Variants in TMEM151B observed in about 807,000 individuals in gnomAD.
TMEM151B encodes the protein transmembrane protein 193.
In TMEM151B, 18 loss-of-function variants were observed where a neutral mutation model predicts 33.0. The ratio of observed to expected loss-of-function variants is 0.55; its 90% CI spans 0.38 to 0.81. The LOEUF is 0.81. Ranked by LOEUF, TMEM151B falls within the 30% of genes least tolerant of loss-of-function variation. TMEM151B has a pLI of 0.00. For missense variants in TMEM151B, 672 were observed against 843.4 expected, an observed-to-expected ratio of 0.80 and a Z score of 2.52; for synonymous variants, 354 against 373.6, an observed-to-expected ratio of 0.95 and a Z score of 0.61.
rs1782528596 is a variant in TMEM151B, at chr6:44,275,191, C to G, written c.577-212C>G. 2.0e-5 allele frequency among the ~76,000 whole-genome samples: 3 copies of G among 152,206 alleles called. No homozygotes were observed. In the South Asian group the frequency reaches 6.2e-4, roughly 32 times the overall value. Reference sequence around the variant, plus strand: ...CGCACAGGTAGGGCTGGTTCTAGTCCGGTCATCACGTCTGATTACACAGAG... The same window carrying G: ...CGCACAGGTAGGGCTGGTTCTAGTCGGGTCATCACGTCTGATTACACAGAG... On this transcript the variant is annotated intron_variant, in intron 2 of 2. Coordinates refer to ENST00000451188, the MANE Select transcript of TMEM151B (RefSeq NM_001137560.2).
At position 44,275,964 on chromosome 6, in the gene TMEM151B, A is replaced by G. The variant is rs1020013262; in HGVS notation, c.1138A>G (p.Asn380Asp). 1 of 1,463,524 alleles carries G rather than the reference A, an allele frequency of 6.8e-7. No homozygotes were observed. Among genetic ancestry groups the G allele is most frequent in the African/African-American group, 1.4e-5 (1 of 69,846 alleles). The allele number at this position is 1,463,524 out of a possible 1,614,324, so 90.7% of individuals were successfully genotyped here. ...STELEWHIRS[N>D]QQLVPSYSEA... ...GGAGCTCGAGTGGCACATCCGCTCC[A>G]ACCAGCAGCTGGTGCCCAGCTACTC... The change falls in exon 3 of 3, where the codon AAC (asparagine) becomes GAC (aspartate). Residue 380 changes from asparagine (N) to aspartate (D), a missense_variant. Transcript: ENST00000451188.
At position 44,275,738 on chromosome 6, in the gene TMEM151B, C is replaced by T. The variant is rs1187439787; in HGVS notation, c.912C>T (p.Ala304=). Reference sequence around the variant, plus strand: ...ACGCCTGCTCGTCGGCCTTCTGGGCCGCGGCGCTGCTCACGCTGTCGTGGC... The same window carrying T: ...ACGCCTGCTCGTCGGCCTTCTGGGCTGCGGCGCTGCTCACGCTGTCGTGGC... ...PWYACSSAFW[A]AALLTLSWPL... The change falls in exon 3 of 3, where the codon GCC becomes GCT. Residue 304 remains alanine (A), a synonymous_variant. Coordinates refer to ENST00000451188, the MANE Select transcript of TMEM151B (RefSeq NM_001137560.2). 6 of 1,547,398 alleles carry T rather than the reference C, an allele frequency of 3.9e-6. No homozygotes were observed. The African/African-American group carries it at 6.9e-5, about 18-fold the overall frequency.
chr6:44,270,976 G>A, intron 1 of TMEM151B, 99 bp downstream of exon 1: 1 of 861,994 alleles, frequency 1.2e-6, no homozygotes. Flanking sequence ...AGCGCGGCCG[G>A]CGCCCCGCAC....
Position 44,276,153 on chromosome 6 carries a change from T to A in TMEM151B, c.1327T>A (p.Ser443Thr). Reference sequence around the variant, plus strand: ...GCACTGCCAGCGCGCCGTCAGCAGCTCGTCTATCTTCTCGCGCAGCGCCCT... The same window carrying A: ...GCACTGCCAGCGCGCCGTCAGCAGCACGTCTATCTTCTCGCGCAGCGCCCT... ...CEHCQRAVSSSSIFSRSALSI... is the reference protein window; with the variant it reads ...CEHCQRAVSSTSIFSRSALSI... Residue 443 changes from serine to threonine, a missense_variant, in exon 3 of 3, where the codon TCG becomes ACG. Coordinates refer to ENST00000451188, the MANE Select transcript of TMEM151B (RefSeq NM_001137560.2). 2 of 1,312,746 alleles carry A rather than the reference T, an allele frequency of 1.5e-6. No individual in the cohort carries two copies. The highest frequency in any genetic ancestry group is 1.9e-6 in the Non-Finnish European group (2 of 1,039,320). 81.3% of individuals were successfully genotyped at this position (1,312,746 alleles called of 1,614,324 possible). A position where few individuals can be genotyped will look rare whatever the true frequency, so the allele number is the denominator to read the frequency against.
rs1782599216 is a variant in TMEM151B, at chr6:44,276,567, C to T, written c.*40C>T. ...GTGGCCCGCGCCGTCCTCCCGCCTG[C>T]CCCTCGCCGGACTGTGCTCCCTCTG... On this transcript the variant is annotated 3_prime_UTR_variant, in exon 3 of 3. Transcript: ENST00000451188. 3 of 1,335,964 alleles carry T rather than the reference C, an allele frequency of 2.2e-6. No homozygotes were observed. Among genetic ancestry groups the T allele is most frequent in the Admixed American group, 3.6e-5 (1 of 27,804 alleles). 82.8% of individuals were successfully genotyped at this position (1,335,964 alleles called of 1,614,324 possible). A position where few individuals can be genotyped will look rare whatever the true frequency, so the allele number is the denominator to read the frequency against.
In TMEM151B at chr6:44,275,956, TC is replaced by T; in HGVS notation, c.1132del (p.Arg378AlafsTer41). ...GACAGCACGGAGCTCGAGTGGCACATCCGCTCCAACCAGCAGCTGGTGCCCA... is the reference window on the plus strand; with the variant it reads ...GACAGCACGGAGCTCGAGTGGCACATCGCTCCAACCAGCAGCTGGTGCCCA... The part of the protein sequence containing the change: ...TVDSTELEWH[I>X]RSNQQLVPSY... On this transcript the variant is annotated frameshift_variant, in exon 3 of 3. Coordinates refer to ENST00000451188, the MANE Select transcript of TMEM151B (RefSeq NM_001137560.2). LOFTEE classifies it high-confidence loss of function. The T allele has an allele frequency of 6.8e-7, 1 of 1,474,562 alleles. No individual in the cohort carries two copies. The highest frequency in any genetic ancestry group is 9.0e-7 in the Non-Finnish European group (1 of 1,107,922). 91.3% of individuals were successfully genotyped at this position (1,474,562 alleles called of 1,614,324 possible). A position where few individuals can be genotyped will look rare whatever the true frequency, so the allele number is the denominator to read the frequency against.
chr6:44,272,546 G>A (rs1245099259), intron 1 of TMEM151B, among the ~76,000 whole-genome samples: 1 of 152,158 alleles, frequency 6.6e-6, no homozygotes, highest in Non-Finnish European at 1.5e-5. Context: ...ATCTGGAAGT[G>A]AGGGCCCCAC....
intron 2 of TMEM151B, among the ~76,000 whole-genome samples, chr6:44,274,626 A>G (rs1278450242): frequency 6.6e-6 from 1 of 152,232 alleles, no homozygotes; most frequent in Non-Finnish European, 1.5e-5. Flanking sequence ...GACTAGAGAT[A>G]GAGGGGTTCT....
In TMEM151B at chr6:44,273,743, C is replaced by T. The variant is rs147760952; in HGVS notation, c.576+237C>T. Among the ~76,000 whole-genome samples the T allele has an allele frequency of 5.4e-4, 82 of 152,356 alleles. No individual in the cohort carries two copies. In the East Asian group the frequency reaches 0.015, roughly 28 times the overall value. ...CACACATCAAATCATTTATTTAACCCTCATAACAACCCTATGATGTAGGCA... is the reference window on the plus strand; with the variant it reads ...CACACATCAAATCATTTATTTAACCTTCATAACAACCCTATGATGTAGGCA... On this transcript the variant is annotated intron_variant, in intron 2 of 2. Coordinates refer to ENST00000451188, the MANE Select transcript of TMEM151B (RefSeq NM_001137560.2).
At chr6:44,274,087 C>T (rs1180165848) in intron 2 of TMEM151B, among the ~76,000 whole-genome samples, 1 of 152,054 alleles carries the variant, frequency 6.6e-6, no homozygotes, top group Non-Finnish European at 1.5e-5. Context: ...TGGTGGTATG[C>T]ACCTGTAGTC....
intron 1 of TMEM151B, among the ~76,000 whole-genome samples, chr6:44,272,677 T>G (rs1057284922): frequency 3.9e-5 from 6 of 152,192 alleles, no homozygotes; most frequent in Non-Finnish European, 7.4e-5. Context: ...CTGTCTTCCC[T>G]GTCCACATCT....
Position 44,270,867 on chromosome 6 carries a change from C to A in TMEM151B, c.125C>A (p.Ala42Asp). Residue 42 changes from alanine to aspartate, a missense_variant, in exon 1 of 3, where the codon GCC becomes GAC. Ala to Asp is a moderately radical substitution (Grantham distance 126). Around this residue, in one of 3 missense-constraint regions of TMEM151B, gnomAD observed 63 missense variants for 57.2 expected, o/e 1.10. Coordinates refer to ENST00000451188, the MANE Select transcript of TMEM151B (RefSeq NM_001137560.2). Reference protein sequence around the residue: ...AAAAAADEGPAREEQRPIQPS... With the variant: ...AAAAAADEGPDREEQRPIQPS... ...GCGGCGGCGGCGGACGAGGGCCCCG[C>A]CCGAGAGGAGGTGAGAGTCTAGGGC... 9.1e-6 allele frequency: 10 copies of A among 1,099,382 alleles called. No homozygotes were observed. Among genetic ancestry groups the A allele is most frequent in the Non-Finnish European group, 1.1e-5 (10 of 905,462 alleles). 68.1% of individuals were successfully genotyped at this position (1,099,382 alleles called of 1,614,324 possible). A position where few individuals can be genotyped will look rare whatever the true frequency, so the allele number is the denominator to read the frequency against.
Position 44,270,851 on chromosome 6 carries a change from G to A in TMEM151B, c.109G>A (p.Ala37Thr). The A allele has an allele frequency of 9.0e-7, 1 of 1,114,326 alleles. No individual in the cohort carries two copies. The highest frequency in any genetic ancestry group is 1.1e-6 in the Non-Finnish European group (1 of 915,056). 69.0% of individuals were successfully genotyped at this position (1,114,326 alleles called of 1,614,324 possible). A position where few individuals can be genotyped will look rare whatever the true frequency, so the allele number is the denominator to read the frequency against. Residue 37 changes from alanine (A) to threonine (T), a missense_variant, in exon 1 of 3, where the codon GCG becomes ACG. Around this residue, in one of 3 missense-constraint regions of TMEM151B, gnomAD observed 63 missense variants for 57.2 expected, o/e 1.10. Transcript: ENST00000451188. ...ELTAAAAAAA[A>T]DEGPAREEQR... ...CACGGCGGCGGCGGCAGCGGCGGCG[G>A]CGGACGAGGGCCCCGCCCGAGAGGA...
rs960211075 is a variant in TMEM151B at position 44,273,453 on chromosome 6, C to T, written c.523C>T (p.Arg175Cys). ...WKAISYHYVR[R>C]TRQVTRYRNG... ...GGCCATCAGCTACCACTATGTCCGC[C>T]GCACCCGCCAGGTCACCAGATACCG... is the stretch of plus-strand genomic sequence containing the variant. Residue 175 changes from arginine (R) to cysteine (C), a missense_variant, in exon 2 of 3, where the codon CGC (arginine) becomes TGC (cysteine). Around this residue, in one of 3 missense-constraint regions of TMEM151B, gnomAD observed 285 missense variants for 423.1 expected, o/e 0.67. Transcript: ENST00000451188. 10 of 1,550,774 alleles carry T rather than the reference C, an allele frequency of 6.4e-6. No homozygotes were observed. Among genetic ancestry groups the T allele is most frequent in the African/African-American group, 1.4e-5 (1 of 73,062 alleles).
rs966308756 is a variant in TMEM151B, at chr6:44,270,780, C to G, written c.38C>G (p.Ala13Gly). ...GGCTCGGCCGCGGGAGAGAGCGCCG[C>G]CGGCGGCGGCGGCGGCGGTGGCGGC... ...PPGSAAGESA[A>G]GGGGGGGGPG... is the part of the protein sequence containing the mutation. Residue 13 changes from alanine (A) to glycine (G), a missense_variant, in exon 1 of 3, where the codon GCC (alanine) becomes GGC (glycine). Physicochemically the swap from Ala to Gly is moderately conservative, Grantham distance 60. Coordinates refer to ENST00000451188, the MANE Select transcript of TMEM151B (RefSeq NM_001137560.2). The G allele has an allele frequency of 1.2e-5, 13 of 1,115,474 alleles. No individual in the cohort carries two copies. The Admixed American group carries it at 4.0e-4, about 34-fold the overall frequency. 69.1% of individuals were successfully genotyped at this position (1,115,474 alleles called of 1,614,324 possible). A position where few individuals can be genotyped will look rare whatever the true frequency, so the allele number is the denominator to read the frequency against.
At chr6:44,275,117 C>CAAAAAAAA (rs55699643) in intron 2 of TMEM151B, among the ~76,000 whole-genome samples, 4 of 111,810 alleles carry the variant, frequency 3.6e-5, no homozygotes, top group Admixed American at 9.0e-5. Context: ...GACTCCATCT[C>CAAAAAAAA]AAAAAAAAAA....
intron 2 of TMEM151B, among the ~76,000 whole-genome samples, 163 bp from the exon 3 acceptor site, chr6:44,275,240 G>A (rs970865482): frequency 2.0e-5 from 3 of 152,206 alleles, no homozygotes; most frequent in Admixed American, 1.3e-4. Context: ...CTGTAAGTCA[G>A]ACGGAAAGAT....
intron 1 of TMEM151B, 32 bp downstream of exon 1, chr6:44,270,909 C>T (rs1259592753): frequency 6.2e-5 from 65 of 1,055,886 alleles, no homozygotes; most frequent in Non-Finnish European, 7.4e-5. Flanking sequence ...TCCCCGGGCG[C>T]GGCCGCAGCC....
Position 44,276,167 on chromosome 6 carries a change from G to C in TMEM151B, c.1341G>C (p.Ser447=). 1 of 1,310,982 alleles carries C rather than the reference G, an allele frequency of 7.6e-7. No homozygotes were observed. Among genetic ancestry groups the C allele is most frequent in the Non-Finnish European group, 9.6e-7 (1 of 1,038,188 alleles). 81.2% of individuals were successfully genotyped at this position (1,310,982 alleles called of 1,614,324 possible). The change falls in exon 3 of 3, where the codon TCG becomes TCC. Residue 447 remains serine (S), a synonymous_variant. Transcript: ENST00000451188. ...CCGTCAGCAGCTCGTCTATCTTCTC[G>C]CGCAGCGCCCTAAGCATCTGCGCCA... is the stretch of plus-strand genomic sequence containing the variant. ...QRAVSSSSIF[S]RSALSICASP...
Sources: allele counts gnomAD v4.1 joint callset (sites outside exome capture counted in the v4.1 genomes callset), GRCh38; gene constraint gnomAD v4.1.1; regional missense constraint gnomAD v4.1.1; transcripts MANE v1.5; gene names NCBI Gene and HGNC (gene_info 2026-07-23, HGNC 2026-07-21).